Variants in LARGE1 observed in about 807,000 individuals in gnomAD.
LARGE1 encodes the protein xylosyl- and glucuronyltransferase LARGE1.
Under a neutral mutation model 87.6 loss-of-function variants are expected in LARGE1, and 43 were observed. The ratio of observed to expected loss-of-function variants is 0.49; its 90% CI spans 0.38 to 0.63. LARGE1 has a LOEUF of 0.63. Ranked by LOEUF, LARGE1 falls within the 30% of genes least tolerant of loss-of-function variation. The pLI is 0.00. For missense variants in LARGE1, 802 were observed against 1,000.2 expected (o/e 0.80, Z 2.67); for synonymous variants, 434 against 394.6 (o/e 1.10, Z -1.18).
chr22:33,458,455 GAGTTTTGCT>G (rs1288115478), intron 6 of LARGE1, among the ~76,000 whole-genome samples: 1 of 151,172 alleles, frequency 6.6e-6, no homozygotes, highest in Non-Finnish European at 1.5e-5. Flanking sequence ...TTTTAAGACA[GAGTTTTGCT>G]CTTGTTGCTC....
chr22:33,199,880 T>TA (rs1336985607), intron 11 of LARGE1, among the ~76,000 whole-genome samples: 1 of 150,438 alleles, frequency 6.6e-6, no homozygotes, highest in East Asian at 2.0e-4. Flanking sequence ...GACGGAGTCT[T>TA]ACTCTGTCGC....
At chr22:33,390,399 T>C (rs949577148) in intron 7 of LARGE1, among the ~76,000 whole-genome samples, 1 of 152,228 alleles carries the variant, frequency 6.6e-6, no homozygotes, top group Non-Finnish European at 1.5e-5. Context: ...ATGTTTCCGA[T>C]GTCACAGTGC....
chr22:33,412,065 C>T (rs1293518242), intron 7 of LARGE1, among the ~76,000 whole-genome samples: 1 of 152,118 alleles, frequency 6.6e-6, no homozygotes, highest in Non-Finnish European at 1.5e-5. Flanking sequence ...GGGCAGATCA[C>T]TTGAGGTCAG....
intron 2 of LARGE1, among the ~76,000 whole-genome samples, chr22:33,745,039 C>T (rs533632462): frequency 4.6e-5 from 7 of 152,304 alleles, no homozygotes; most frequent in Non-Finnish European, 8.8e-5. Flanking sequence ...TCTATTATCC[C>T]ACACTAAGGA....
intron 9 of LARGE1, among the ~76,000 whole-genome samples, chr22:33,355,023 T>C (rs1569087536): frequency 1.3e-5 from 2 of 152,362 alleles, no homozygotes; most frequent in East Asian, 1.9e-4. Flanking sequence ...TTCTGTTTTA[T>C]AGTGTATTCA....
chr22:33,221,005 G>A (rs1213831020), intron 11 of LARGE1, among the ~76,000 whole-genome samples: 2 of 152,038 alleles, frequency 1.3e-5, no homozygotes, highest in Non-Finnish European at 2.9e-5. Context: ...GGAAGGTCAG[G>A]GAAGATTCCT....
At chr22:33,692,019 G>A (rs570450009) in intron 2 of LARGE1, among the ~76,000 whole-genome samples, 2 of 152,108 alleles carry the variant, frequency 1.3e-5, no homozygotes, top group East Asian at 1.9e-4. Flanking sequence ...AGGCTACCAC[G>A]GAACCAATCT....
intron 11 of LARGE1, among the ~76,000 whole-genome samples, chr22:33,223,576 A>C (rs529590428): frequency 6.6e-6 from 1 of 152,246 alleles, no homozygotes; most frequent in South Asian, 2.1e-4. Flanking sequence ...TCAGTAAGTG[A>C]TGGTTCTTAT....
chr22:33,375,875 G>A (rs915595699), intron 9 of LARGE1, among the ~76,000 whole-genome samples: 2 of 152,154 alleles, frequency 1.3e-5, no homozygotes, highest in Non-Finnish European at 2.9e-5. Context: ...AACCTCCCCA[G>A]TAGCTAGAAC....
At chr22:33,610,820 A>T (rs969481754) in intron 4 of LARGE1, among the ~76,000 whole-genome samples, 13 of 152,188 alleles carry the variant, frequency 8.5e-5, no homozygotes, top group Admixed American at 7.2e-4. Context: ...TTCCTGGGCC[A>T]GGGCCAGGAC....
intron 11 of LARGE1, among the ~76,000 whole-genome samples, chr22:33,256,174 T>C (rs1927253348): frequency 2.0e-5 from 3 of 152,214 alleles, no homozygotes; most frequent in Non-Finnish European, 4.4e-5. Flanking sequence ...TAGAGATGTA[T>C]AGCTCTTTCA....
chr22:33,685,121 A>C (rs1465469582), intron 2 of LARGE1, among the ~76,000 whole-genome samples: 1 of 152,234 alleles, frequency 6.6e-6, no homozygotes, highest in African/African-American at 2.4e-5. Context: ...AAGAGCTTCA[A>C]GACTGTGACT....
At position 33,482,601 on chromosome 22, in the gene LARGE1, G is replaced by A. The variant is rs570337294; in HGVS notation, c.788-50336C>T. ...ACAAGAAATGCCAAATGTAGATGAC[G>A]GGTTGATGGGTGCAGCAAACCATCA... On this transcript the variant is annotated intron_variant, in intron 6 of 14. Coordinates refer to ENST00000397394, the MANE Select transcript of LARGE1 (RefSeq NM_133642.5). Among the ~76,000 whole-genome samples the A allele has an allele frequency of 1.1e-3, 165 of 152,194 alleles. 1 individual carries two copies. Among genetic ancestry groups the A allele is most frequent in the African/African-American group, 3.7e-3 (153 of 41,538 alleles).
chr22:33,283,437 G>C, intron 12 of LARGE1, 89 bp from the exon 13 acceptor site: 1 of 1,417,662 alleles, frequency 7.1e-7, no homozygotes, highest in Non-Finnish European at 9.9e-7. Context: ...TCATTGGCCC[G>C]GGGAAGTGTG....
intron 7 of LARGE1, among the ~76,000 whole-genome samples, chr22:33,418,586 A>C (rs2066582927): frequency 6.6e-6 from 1 of 152,200 alleles, no homozygotes; most frequent in African/African-American, 2.4e-5. Flanking sequence ...ACCTGATCCA[A>C]GGACTGAGGA....
rs192826911 is a variant in LARGE1 at position 33,281,983 on chromosome 22, C to T, written c.1877+1219G>A. Among the ~76,000 whole-genome samples, 7 of 152,322 alleles carry T rather than the reference C, an allele frequency of 4.6e-5. No individual in the cohort carries two copies. The East Asian group carries it at 7.7e-4, about 17-fold the overall frequency. On this transcript the variant is annotated intron_variant, in intron 13 of 14. Coordinates refer to ENST00000397394, the MANE Select transcript of LARGE1 (RefSeq NM_133642.5). ...CAGTAAAATTCCGATGGTCTAGAAA[C>T]GTATGCTTTTTAGCTTCCAGGAAGT...
In LARGE1 at chr22:33,280,842, A is replaced by AGAATTATCTG. The variant is rs1386025049; in HGVS notation, c.1877+2350_1877+2359dup. On this transcript the variant is annotated intron_variant, in intron 13 of 14. Transcript: ENST00000397394. ...TGGTTCTCAAACTTGAGTATGCATT[A>AGAATTATCTG]GAATTATCTGGAAGACTGGTTCCAA... is the stretch of plus-strand genomic sequence containing the variant. Among the ~76,000 whole-genome samples, 5 of 152,364 alleles carry AGAATTATCTG rather than the reference A, an allele frequency of 3.3e-5. No individual in the cohort carries two copies. In the East Asian group the frequency reaches 9.7e-4, roughly 29 times the overall value.
At chr22:33,495,223 G>A (rs568360141) in intron 6 of LARGE1, among the ~76,000 whole-genome samples, 1 of 152,156 alleles carries the variant, frequency 6.6e-6, no homozygotes, top group African/African-American at 2.4e-5. Flanking sequence ...TCTCTTGGCG[G>A]AAGCTTCTCA....
chr22:33,729,309 C>T (rs898566566), intron 2 of LARGE1, among the ~76,000 whole-genome samples: 3 of 152,206 alleles, frequency 2.0e-5, no homozygotes, highest in Non-Finnish European at 4.4e-5. Flanking sequence ...AATTTTAAGG[C>T]AGCAGCCTCA....
Sources: allele counts gnomAD v4.1 joint callset (sites outside exome capture counted in the v4.1 genomes callset), GRCh38; gene constraint gnomAD v4.1.1; transcripts MANE v1.5; gene names NCBI Gene and HGNC (gene_info 2026-07-23, HGNC 2026-07-21).